Variants in C1orf159 observed in about 807,000 individuals in gnomAD.
C1orf159 encodes chromosome 1 open reading frame 159.
In C1orf159, 19 loss-of-function variants were observed where a neutral mutation model predicts 25.6. The ratio of observed to expected loss-of-function variants is 0.74; its 90% confidence interval spans 0.52 to 1.09. The LOEUF is 1.09. C1orf159 is among the 50% of genes least tolerant of loss of function. The pLI, the probability that C1orf159 is intolerant of heterozygous loss-of-function variation, is 0.00. For missense variants in C1orf159, 274 were observed against 290.6 expected (o/e 0.94, Z 0.42); for synonymous variants, 139 against 124.7 (o/e 1.12, Z -0.77).
chr1:1,103,958 G>A (rs957115340), intron 1 of C1orf159, among the ~76,000 whole-genome samples: 8 of 151,812 alleles, frequency 5.3e-5, no homozygotes, highest in Non-Finnish European at 7.4e-5. Flanking sequence ...TGGGATTACA[G>A]GAGTGAGCTG....
At position 1,091,622 on chromosome 1, in the gene C1orf159, G is replaced by C. The variant is rs949954033; in HGVS notation, c.-22-57C>G. ...AGATGGAGTGGGGCTGAGGCAGGGTGGGTGGGGCCAAATGAAAGTGGGGTC... is the reference window on the plus strand; with the variant it reads ...AGATGGAGTGGGGCTGAGGCAGGGTCGGTGGGGCCAAATGAAAGTGGGGTC... On this transcript the variant is annotated intron_variant, in intron 2 of 9. Transcript: ENST00000421241. The C allele has an allele frequency of 3.9e-6, 5 of 1,269,772 alleles. No individual in the cohort carries two copies. In the African/African-American group the frequency reaches 7.4e-5, roughly 19 times the overall value. The allele number at this position is 1,269,772 out of a possible 1,614,324, so 78.7% of individuals were successfully genotyped here.
chr1:1,111,281 A>G (rs1256245359), intron 1 of C1orf159, among the ~76,000 whole-genome samples: 1 of 150,650 alleles, frequency 6.6e-6, no homozygotes, highest in Non-Finnish European at 1.5e-5. Flanking sequence ...CAATCCCATC[A>G]TTTTGGGAGG....
chr1:1,084,233 C>T lies in C1orf159; in HGVS notation c.502+120G>A, dbSNP rs749632934. ...CTTGTGGGTGGGTCTCCTGGGGACC[C>T]GGGCAGGGGTGGCCGAGATCCAGAG... On this transcript the variant is annotated intron_variant, in intron 9 of 9. Coordinates refer to ENST00000421241, the MANE Select transcript of C1orf159 (RefSeq NM_017891.5). 24 of 1,518,746 alleles carry T rather than the reference C, an allele frequency of 1.6e-5. No homozygotes were observed. In the Admixed American group the frequency reaches 1.8e-4, roughly 11 times the overall value. 94.1% of individuals were successfully genotyped at this position (1,518,746 alleles called of 1,614,324 possible).
intron 1 of C1orf159, among the ~76,000 whole-genome samples, chr1:1,109,021 C>A (rs1344348038): frequency 1.6e-5 from 2 of 123,682 alleles, no homozygotes; most frequent in African/African-American, 7.3e-5. Context: ...TCCACCACAG[C>A]CACCATGTCT....
At chr1:1,096,553 C>A (rs944496250) in intron 1 of C1orf159, among the ~76,000 whole-genome samples, 8 of 152,172 alleles carry the variant, frequency 5.3e-5, no homozygotes, top group Non-Finnish European at 2.9e-5. Flanking sequence ...ACCAGGAAAC[C>A]ATGTATATTT....
At chr1:1,111,640 G>A (rs76722543) in intron 1 of C1orf159, among the ~76,000 whole-genome samples, 1 of 152,172 alleles carries the variant, frequency 6.6e-6, no homozygotes, top group Non-Finnish European at 1.5e-5. Context: ...GCAACCACCG[G>A]CTGGGGCAGT....
Position 1,087,154 on chromosome 1 carries a change from C to A in C1orf159, c.295G>T (p.Gly99Trp), listed in dbSNP as rs183314105. Residue 99 changes from glycine (G) to tryptophan (W), a missense_variant, in exon 6 of 10, where the codon GGG (glycine) becomes TGG (tryptophan). Coordinates refer to ENST00000421241, the MANE Select transcript of C1orf159 (RefSeq NM_017891.5). The surrounding 1 kb of genome is among the most constrained non-coding windows in gnomAD (Gnocchi z 8.3). ...FPMNRSSGTP[G>W]RPHPGAPRVA... is the part of the protein sequence containing the mutation. ...TGAGACTTACCAGGATGTGGCCGCC[C>A]GGGGGTCCCTGAGCTTCTGTTCATG... 7 of 1,609,902 alleles carry A rather than the reference C, an allele frequency of 4.3e-6. No individual in the cohort carries two copies. The highest frequency in any genetic ancestry group is 1.7e-4 in the Middle Eastern group (1 of 6,052).
At position 1,087,586 on chromosome 1, in the gene C1orf159, G is replaced by T. The variant is rs1414038559; in HGVS notation, c.160C>A (p.Arg54Ser). 25 of 1,546,084 alleles carry T rather than the reference G, an allele frequency of 1.6e-5. No individual in the cohort carries two copies. Among genetic ancestry groups the T allele is most frequent in the Non-Finnish European group, 2.1e-5 (24 of 1,146,068 alleles). ...CTGGCGCTCCCGTCCGCGTTCCAGC[G>T]CCTGTAACAGCCTGCGTGGGGCAGA... ...ASLCGPGCYR[R>S]WNADGSASCV... Residue 54 changes from arginine (R) to serine (S), a missense_variant, in exon 5 of 10, where the codon CGC (arginine) becomes AGC (serine). Transcript: ENST00000421241. This position sits in a 1 kb window ranked among gnomAD's most constrained non-coding sequence, Gnocchi z 8.3.
At chr1:1,101,129 T>C (rs1646094253) in intron 1 of C1orf159, among the ~76,000 whole-genome samples, 2 of 152,362 alleles carry the variant, frequency 1.3e-5, no homozygotes, top group East Asian at 1.9e-4. Context: ...TCTTAGAGAA[T>C]ACAGAATTCT....
chr1:1,085,353 G>A (rs1046607751), intron 7 of C1orf159: 2 of 348,802 alleles, frequency 5.7e-6, no homozygotes, highest in Admixed American at 3.5e-5. Flanking sequence ...CTCAGAACCC[G>A]CCCCCGCCTG....
chr1:1,108,377 A>C (rs1403202423), intron 1 of C1orf159, among the ~76,000 whole-genome samples: 1 of 125,200 alleles, frequency 8.0e-6, no homozygotes, highest in Non-Finnish European at 1.6e-5. Context: ...CACCACAGCC[A>C]CCATGTCTCG....
At chr1:1,090,501 G>A in intron 3 of C1orf159, 73 bp from the exon 4 acceptor site, 1 of 1,454,894 alleles carries the variant, frequency 6.9e-7, no homozygotes, top group Non-Finnish European at 9.4e-7. Flanking sequence ...AGCAGCGGCT[G>A]AGGGGTGCCG....
At chr1:1,086,103 T>C (rs530872506) in intron 6 of C1orf159, 91 bp from the exon 7 acceptor site, 1 of 1,478,142 alleles carries the variant, frequency 6.8e-7, no homozygotes, top group African/African-American at 1.4e-5. Flanking sequence ...GCAGATGCGC[T>C]GCTCTCTGAA....
At chr1:1,097,682 C>T (rs1462381999) in intron 1 of C1orf159, among the ~76,000 whole-genome samples, 5 of 151,668 alleles carry the variant, frequency 3.3e-5, no homozygotes, top group African/African-American at 1.2e-4. Context: ...CTATGCCTCC[C>T]AAAGTGCTGG....
At position 1,084,363 on chromosome 1, in the gene C1orf159, T is replaced by G; in HGVS notation, c.492A>C (p.Pro164=). The change falls in exon 9 of 10, where the codon CCA becomes CCC. Residue 164 remains proline, a synonymous_variant. Coordinates refer to ENST00000421241, the MANE Select transcript of C1orf159 (RefSeq NM_017891.5). ...PGEAAAMIPP[P]QSSVRKPRYV... is the part of the protein sequence containing the mutation. The stretch of plus-strand genomic sequence containing the variant: ...GACAGCTGCTGTTACCTGAGGACTG[T>G]GGCGGGGGGATCATTGCAGCCTTGA... 1.9e-6 allele frequency: 3 copies of G among 1,561,786 alleles called. No individual in the cohort carries two copies. The highest frequency in any genetic ancestry group is 2.6e-6 in the Non-Finnish European group (3 of 1,152,838).
Position 1,089,089 on chromosome 1 carries a change from C to G in C1orf159, c.148+1264G>C, listed in dbSNP as rs565945624. 6.6e-6 allele frequency among the ~76,000 whole-genome samples: 1 copy of G among 152,302 alleles called. No individual in the cohort carries two copies. The highest frequency in any genetic ancestry group is 2.4e-5 in the African/African-American group (1 of 41,574). On this transcript the variant is annotated intron_variant, in intron 4 of 9. Transcript: ENST00000421241. The surrounding 1 kb of genome is among the most constrained non-coding windows in gnomAD (Gnocchi z 7.5). ...TCCCCAGAAGTGCCCGCTGCCTCCC[C>G]GAGCGGAGACGTGACCTGGCTTGGG...
rs192570384 is a variant in C1orf159 at position 1,105,454 on chromosome 1, C to T, written c.-136+10606G>A. ...CCAGGAGGTTGAGGCTGCAGTGAGCCGAGATCGCGCCACCACACCCTAGCC... is the reference window on the plus strand; with the variant it reads ...CCAGGAGGTTGAGGCTGCAGTGAGCTGAGATCGCGCCACCACACCCTAGCC... On this transcript the variant is annotated intron_variant, in intron 1 of 9. Transcript: ENST00000421241. Among the ~76,000 whole-genome samples the T allele has an allele frequency of 2.2e-4, 34 of 151,920 alleles. No homozygotes were observed. In the East Asian group the frequency reaches 5.0e-3, roughly 22 times the overall value.
intron 1 of C1orf159, among the ~76,000 whole-genome samples, chr1:1,112,150 G>T (rs2100780095): frequency 1.3e-5 from 2 of 152,288 alleles, no homozygotes; most frequent in Middle Eastern, 6.8e-3. Context: ...CTGTCTAAAA[G>T]AACTGGTTGC....
Position 1,087,263 on chromosome 1 carries a change from G to T in C1orf159, c.245-59C>A. On this transcript the variant is annotated intron_variant, in intron 5 of 9. Transcript: ENST00000421241. The surrounding 1 kb of genome is among the most constrained non-coding windows in gnomAD (Gnocchi z 8.3). Reference sequence around the variant, plus strand: ...GCACGGAGCCCACGGGGACACCCACGTGCACCCTGAAGGGATCTCAGGACG... The same window carrying T: ...GCACGGAGCCCACGGGGACACCCACTTGCACCCTGAAGGGATCTCAGGACG... 1 of 1,500,128 alleles carries T rather than the reference G, an allele frequency of 6.7e-7. No homozygotes were observed. Among genetic ancestry groups the T allele is most frequent in the Non-Finnish European group, 9.0e-7 (1 of 1,109,212 alleles). 92.9% of individuals were successfully genotyped at this position (1,500,128 alleles called of 1,614,324 possible). A position where few individuals can be genotyped will look rare whatever the true frequency, so the allele number is the denominator to read the frequency against.
Sources: gnomAD v4.1 joint callset for allele counts (sites outside exome capture counted in the v4.1 genomes callset) on GRCh38, gnomAD v4.1.1 for gene constraint, Gnocchi (gnomAD v3.1) non-coding constraint, MANE v1.5 for transcripts, NCBI Gene and HGNC (gene_info 2026-07-23, HGNC 2026-07-21) for gene names.